Variants in MSL2 observed in about 807,000 individuals in gnomAD.
The protein encoded by MSL2 is MSL complex subunit 2.
MSL2 carries 2 observed loss-of-function variants against 35.8 expected under a neutral mutation model. That is an observed-to-expected ratio of 0.06 (90% CI 0.02 to 0.18). The LOEUF (loss-of-function observed/expected upper bound fraction) is 0.18. Among genes scored for constraint, MSL2 ranks in the 10% least tolerant of loss-of-function variants. MSL2 has a pLI of 1.00. For missense variants in MSL2, 523 were observed against 706.7 expected (o/e 0.74, Z 2.95); for synonymous variants, 296 against 255.7 (o/e 1.16, Z -1.50).
intron 1 of MSL2, chr3:136,155,943 T>C: frequency 1.9e-6 from 1 of 514,402 alleles, no homozygotes; most frequent in Non-Finnish European, 3.9e-6. Context: ...GAACTACTAC[T>C]GTCTGCATGT....
intron 1 of MSL2, among the ~76,000 whole-genome samples, chr3:136,193,840 G>C (rs1276779472): frequency 6.6e-6 from 1 of 152,088 alleles, no homozygotes; most frequent in South Asian, 2.1e-4. Context: ...TTACTTAAAT[G>C]TTTATGACCT....
chr3:136,187,511 G>GA (rs995443912), intron 1 of MSL2, among the ~76,000 whole-genome samples: 47 of 148,934 alleles, frequency 3.2e-4, no homozygotes, highest in Admixed American at 1.2e-3. Flanking sequence ...AAAAATACAT[G>GA]AAAAAAAAAA....
At chr3:136,178,149 T>C (rs908572535) in intron 1 of MSL2, among the ~76,000 whole-genome samples, 1 of 152,200 alleles carries the variant, frequency 6.6e-6, no homozygotes, top group Non-Finnish European at 1.5e-5. Context: ...TGGTAAGAAC[T>C]AAAAGAGAAC....
chr3:136,189,721 C>CA (rs375444164), intron 1 of MSL2, among the ~76,000 whole-genome samples: 1,596 of 49,782 alleles, frequency 0.032, 38 homozygotes, highest in African/African-American at 0.064. Flanking sequence ...GACGCCGTCT[C>CA]AAAAAAAAAA....
At chr3:136,186,523 G>T (rs559293693) in intron 1 of MSL2, among the ~76,000 whole-genome samples, 1 of 152,120 alleles carries the variant, frequency 6.6e-6, no homozygotes, top group Admixed American at 6.6e-5. Flanking sequence ...CCCACTGCTC[G>T]CATTACCACC....
At chr3:136,157,094 C>T (rs185040624) in intron 1 of MSL2, among the ~76,000 whole-genome samples, 1 of 152,170 alleles carries the variant, frequency 6.6e-6, no homozygotes, top group Non-Finnish European at 1.5e-5. Context: ...TTTCTTTCAC[C>T]TTAATAGGAA....
intron 1 of MSL2, among the ~76,000 whole-genome samples, chr3:136,169,658 C>T (rs572692927): frequency 1.3e-5 from 2 of 152,138 alleles, no homozygotes; most frequent in East Asian, 3.9e-4. Context: ...CCATGTTGGC[C>T]AGGGTGGTCT....
intron 1 of MSL2, among the ~76,000 whole-genome samples, chr3:136,189,045 G>C (rs1325020597): frequency 7.1e-6 from 1 of 141,792 alleles, no homozygotes; most frequent in African/African-American, 2.7e-5. Context: ...ATTTTTCTTA[G>C]GAGATTTTCC....
intron 1 of MSL2, among the ~76,000 whole-genome samples, chr3:136,165,453 A>G (rs538227085): frequency 6.6e-6 from 1 of 152,314 alleles, no homozygotes; most frequent in African/African-American, 2.4e-5. Flanking sequence ...CAAGTCAGTC[A>G]ATTTTAAATT....
chr3:136,190,170 T>G (rs944614899), intron 1 of MSL2, among the ~76,000 whole-genome samples: 8 of 152,226 alleles, frequency 5.3e-5, no homozygotes, highest in African/African-American at 1.9e-4. Context: ...CAATAATTGT[T>G]GGTTTACTTG....
At position 136,150,565 on chromosome 3, in the gene MSL2, A is replaced by G. The variant is rs1367205660; in HGVS notation, c.*582T>C. On this transcript the variant is annotated 3_prime_UTR_variant, in exon 2 of 2. Transcript: ENST00000309993. ...TTTAAAAAGATTTCTTAAACATTCT[A>G]ATGAGGGGGAATTTTTTTTCATAAT... The G allele has an allele frequency of 6.5e-6, 1 of 152,694 alleles. No homozygotes were observed. Among genetic ancestry groups the G allele is most frequent in the East Asian group, 1.9e-4 (1 of 5,192 alleles). The allele number at this position is 152,694 out of a possible 1,614,324, so 9.5% of individuals were successfully genotyped here. A position where few individuals can be genotyped will look rare whatever the true frequency, so the allele number is the denominator to read the frequency against.
rs6786532 is a variant in MSL2, at chr3:136,186,905, A to G, written c.142+8067T>C. On this transcript the variant is annotated intron_variant, in intron 1 of 1. Transcript: ENST00000309993. Reference sequence around the variant, plus strand: ...AAAAGGTAGGGAACTGCCGCTTTAAATCATCTGCAGATTACTTATAACACC... The same window carrying G: ...AAAAGGTAGGGAACTGCCGCTTTAAGTCATCTGCAGATTACTTATAACACC... Among the ~76,000 whole-genome samples, 534 of 152,300 alleles carry G rather than the reference A, an allele frequency of 3.5e-3. 7 individuals carry two copies. The East Asian group carries it at 0.048, about 14-fold the overall frequency.
At position 136,166,584 on chromosome 3, in the gene MSL2, T is replaced by A. The variant is rs754993712; in HGVS notation, c.143-13846A>T. ...TAACATGCCAAAACTAGAACCTAGA[T>A]TGACTGGCATTTATCCTCATGCATA... On this transcript the variant is annotated intron_variant, in intron 1 of 1. Coordinates refer to ENST00000309993, the MANE Select transcript of MSL2 (RefSeq NM_018133.4). 2.0e-5 allele frequency among the ~76,000 whole-genome samples: 3 copies of A among 152,302 alleles called. No homozygotes were observed. In the South Asian group the frequency reaches 6.2e-4, roughly 32 times the overall value.
At chr3:136,191,112 G>A (rs1940675960) in intron 1 of MSL2, among the ~76,000 whole-genome samples, 1 of 152,124 alleles carries the variant, frequency 6.6e-6, no homozygotes. Context: ...GTGCAAAGGT[G>A]GGATATTAAG....
intron 1 of MSL2, among the ~76,000 whole-genome samples, chr3:136,188,751 C>T (rs1231318867): frequency 6.7e-6 from 1 of 148,810 alleles, no homozygotes; most frequent in African/African-American, 2.5e-5. Context: ...AAAAAAGTAT[C>T]CACTACACCA....
chr3:136,176,725 T>A (rs1374544994), intron 1 of MSL2, among the ~76,000 whole-genome samples: 3 of 152,032 alleles, frequency 2.0e-5, no homozygotes, highest in African/African-American at 7.2e-5. Context: ...CTCTTGCTCC[T>A]TCTTTCGCCA....
At chr3:136,176,082 C>T (rs1336864575) in intron 1 of MSL2, among the ~76,000 whole-genome samples, 2 of 152,198 alleles carry the variant, frequency 1.3e-5, no homozygotes, top group Non-Finnish European at 2.9e-5. Context: ...ACAAAAACGA[C>T]TATACCATAA....
intron 1 of MSL2, chr3:136,194,380 A>G: frequency 1.0e-6 from 1 of 980,692 alleles, no homozygotes; most frequent in Admixed American, 6.1e-5. Context: ...AAAAAGTGGT[A>G]AGTAAAAGTC....
intron 1 of MSL2, among the ~76,000 whole-genome samples, chr3:136,169,221 G>GTTA (rs1939940044): frequency 1.2e-5 from 1 of 80,210 alleles, no homozygotes; most frequent in Non-Finnish European, 2.4e-5. Flanking sequence ...TTTTGTTGTT[G>GTTA]TTGTTTTGGC....
Sources: allele counts gnomAD v4.1 joint callset (sites outside exome capture counted in the v4.1 genomes callset), GRCh38; gene constraint gnomAD v4.1.1; transcripts MANE v1.5; gene names NCBI Gene and HGNC (gene_info 2026-07-23, HGNC 2026-07-21).